The following BCHE variants were observed in gnomAD, a reference collection of about 807,000 sequenced individuals.
BCHE encodes butyrylcholinesterase.
BCHE carries 48 observed loss-of-function variants against 51.3 expected under a neutral mutation model. The observed-to-expected ratio is 0.94, with a 90% CI of 0.74 to 1.19. The LOEUF is 1.19. Ranked by LOEUF, BCHE falls within the 50% of genes most tolerant of loss-of-function variation. The pLI, the probability that BCHE is intolerant of heterozygous loss-of-function variation, is 0.00. For synonymous variants in BCHE, 251 were observed against 238.0 expected, an observed-to-expected ratio of 1.05 and a Z score of -0.50; for missense variants, 847 against 708.2, an observed-to-expected ratio of 1.20 and a Z score of -2.23.
chr3:165,802,298 A>G (rs972485213), intron 2 of BCHE, among the ~76,000 whole-genome samples: 1 of 152,176 alleles, frequency 6.6e-6, no homozygotes, highest in African/African-American at 2.4e-5. Context: ...AATTTGTCAT[A>G]TGGGCCCATT....
At chr3:165,808,974 A>C (rs1713976114) in intron 2 of BCHE, among the ~76,000 whole-genome samples, 1 of 152,178 alleles carries the variant, frequency 6.6e-6, no homozygotes, top group Admixed American at 6.5e-5. Flanking sequence ...AAAGGAAACT[A>C]TCAATTATGG....
intron 2 of BCHE, among the ~76,000 whole-genome samples, chr3:165,827,759 C>T (rs549975257): frequency 2.0e-5 from 3 of 152,024 alleles, no homozygotes; most frequent in African/African-American, 7.2e-5. Context: ...AGGGAGAGAG[C>T]AGAATGAGAT....
chr3:165,790,525 T>G (rs1176093956), intron 2 of BCHE, among the ~76,000 whole-genome samples: 2 of 152,168 alleles, frequency 1.3e-5, no homozygotes, highest in Admixed American at 6.5e-5. Flanking sequence ...CTCTTCTGAG[T>G]TATAAAATCT....
At chr3:165,791,664 A>T (rs1162955482) in intron 2 of BCHE, among the ~76,000 whole-genome samples, 3 of 152,142 alleles carry the variant, frequency 2.0e-5, no homozygotes, top group African/African-American at 4.8e-5. Flanking sequence ...CAATATCAAG[A>T]GTTCACAGCT....
intron 2 of BCHE, among the ~76,000 whole-genome samples, chr3:165,812,815 T>G (rs1441074415): frequency 2.6e-5 from 4 of 151,826 alleles, no homozygotes; most frequent in Admixed American, 2.6e-4. Flanking sequence ...ATTGGAGAGG[T>G]GCTTCCTTAA....
intron 2 of BCHE, among the ~76,000 whole-genome samples, chr3:165,794,624 C>T (rs1055043337): frequency 4.6e-5 from 7 of 152,122 alleles, no homozygotes; most frequent in Admixed American, 1.3e-4. Context: ...GAGGGCTCTA[C>T]GCTCATCACC....
rs142594104 is a variant in BCHE at position 165,797,311 on chromosome 3, T to C, written c.1518-11000A>G. Among the ~76,000 whole-genome samples the C allele has an allele frequency of 3.2e-3, 6 of 1,854 alleles. 1 individual carries two copies. Among genetic ancestry groups the C allele is most frequent in the Admixed American group, 0.029 (3 of 102 alleles). 1.2% of individuals were successfully genotyped at this position (1,854 alleles called of 152,430 possible). On this transcript the variant is annotated intron_variant, in intron 2 of 3. Coordinates refer to ENST00000264381, the MANE Select transcript of BCHE (RefSeq NM_000055.4). The stretch of plus-strand genomic sequence containing the variant: ...CTCCTTCCTCCCTCCCTCCCCCCCT[T>C]CCTTCCTTCCTTCCTTCCTCCCTCC...
chr3:165,829,970 G>A lies in BCHE; in HGVS notation c.1064C>T (p.Thr355Ile), dbSNP rs1022014694. The change falls in exon 2 of 4, where the codon ACA (threonine) becomes ATA (isoleucine). Residue 355 changes from threonine (T) to isoleucine (I), a missense_variant. By Grantham distance (89) the Thr-to-Ile change is moderately conservative (BLOSUM62 -1). Transcript: ENST00000264381. ...AGGAGCACCATAGACTAAAAAAGCT[G>A]TCCCTTCATCTTTATTAACACCCAC... ...ILVGVNKDEG[T>I]AFLVYGAPGF... 4 of 1,613,692 alleles carry A rather than the reference G, an allele frequency of 2.5e-6. No homozygotes were observed. The highest frequency in any genetic ancestry group is 3.4e-6 in the Non-Finnish European group (4 of 1,179,858).
At chr3:165,801,137 C>G (rs151315310) in intron 2 of BCHE, among the ~76,000 whole-genome samples, 9 of 152,232 alleles carry the variant, frequency 5.9e-5, no homozygotes, top group Admixed American at 5.2e-4. Context: ...CTTTACAGCT[C>G]TCATGCATGC....
chr3:165,790,314 T>G (rs9873779), intron 2 of BCHE, among the ~76,000 whole-genome samples: 99,141 of 151,996 alleles, frequency 0.65, 34,748 homozygotes, highest in East Asian at 0.77. Context: ...CTTCTTAGAT[T>G]GGCAATACTC....
At chr3:165,812,399 C>G (rs974802912) in intron 2 of BCHE, among the ~76,000 whole-genome samples, 1 of 151,416 alleles carries the variant, frequency 6.6e-6, no homozygotes, top group Admixed American at 6.6e-5. Context: ...TAGACATTAT[C>G]TATTCTTATT....
intron 2 of BCHE, among the ~76,000 whole-genome samples, chr3:165,797,366 T>C (rs1350606201): frequency 9.9e-6 from 1 of 101,474 alleles, no homozygotes; most frequent in African/African-American, 3.9e-5. Context: ...TCTTCCTTCC[T>C]TCCTTCCTTT....
At chr3:165,809,784 C>T (rs1714021997) in intron 2 of BCHE, among the ~76,000 whole-genome samples, 1 of 152,006 alleles carries the variant, frequency 6.6e-6, no homozygotes, top group Non-Finnish European at 1.5e-5. Context: ...AGTGTCATGG[C>T]TTTTATAATG....
intron 3 of BCHE, 54 bp from the exon 4 acceptor site, chr3:165,773,560 C>T: frequency 6.7e-7 from 1 of 1,503,302 alleles, no homozygotes; most frequent in South Asian, 1.2e-5. Flanking sequence ...GTTTCATTAA[C>T]TGAAAAATAA....
At chr3:165,832,156 A>G (rs535849683) in intron 1 of BCHE, among the ~76,000 whole-genome samples, 1 of 152,320 alleles carries the variant, frequency 6.6e-6, no homozygotes, top group South Asian at 2.1e-4. Flanking sequence ...GACATAGACT[A>G]TTAGAAGAGA....
intron 2 of BCHE, among the ~76,000 whole-genome samples, chr3:165,820,259 G>A (rs919183703): frequency 6.6e-6 from 1 of 151,916 alleles, no homozygotes; most frequent in Non-Finnish European, 1.5e-5. Flanking sequence ...AAATATTGCT[G>A]CACTCTGAAA....
chr3:165,834,294 T>C (rs1332271933), intron 1 of BCHE, among the ~76,000 whole-genome samples: 2 of 152,024 alleles, frequency 1.3e-5, no homozygotes, highest in African/African-American at 4.8e-5. Context: ...TATAATAATA[T>C]GGTATGAATT....
chr3:165,785,661 A>C (rs1262594011), intron 3 of BCHE, among the ~76,000 whole-genome samples: 2 of 151,522 alleles, frequency 1.3e-5, no homozygotes, highest in African/African-American at 4.8e-5. Context: ...AATATTTAGA[A>C]ATTTTTTATT....
intron 1 of BCHE, among the ~76,000 whole-genome samples, chr3:165,833,330 T>G (rs1353079117): frequency 6.6e-6 from 1 of 152,146 alleles, no homozygotes; most frequent in Non-Finnish European, 1.5e-5. Context: ...ATCTAATCAT[T>G]GTGCACACAT....
Sources: allele counts gnomAD v4.1 joint callset (sites outside exome capture counted in the v4.1 genomes callset), GRCh38; gene constraint gnomAD v4.1.1; transcripts MANE v1.5; gene names NCBI Gene and HGNC (gene_info 2026-07-23, HGNC 2026-07-21).